The following GRIN1 variants were observed in gnomAD, a reference collection of about 807,000 sequenced individuals.
GRIN1 encodes the protein glutamate receptor ionotropic, NMDA 1.
GRIN1 carries 38 observed loss-of-function variants against 103.0 expected under a neutral mutation model. The ratio of observed to expected loss-of-function variants is 0.37; its 90% CI spans 0.28 to 0.48. The LOEUF (loss-of-function observed/expected upper bound fraction) is 0.48. Ranked by LOEUF, GRIN1 falls within the 20% of genes least tolerant of loss-of-function variation. The pLI is 0.98. For missense variants in GRIN1, 577 were observed against 1,288.9 expected (o/e 0.45, Z 8.46); for synonymous variants, 544 against 532.7 (o/e 1.02, Z -0.29).
intron 11 of GRIN1, 31 bp downstream of exon 11, chr9:137,162,119 C>CGGGGGGGGGGGGGGGGGGGG (rs1588730743): frequency 8.5e-6 from 4 of 468,176 alleles, no homozygotes; most frequent in Non-Finnish European, 1.4e-5. Flanking sequence ...GGGGTGGCGG[C>CGGGGGGGGGGGGGGGGGGGG]GGGGGGAGTC....
intron 4 of GRIN1, among the ~76,000 whole-genome samples, chr9:137,150,974 AG>A (rs1832845101): frequency 2.4e-5 from 1 of 41,944 alleles, no homozygotes. Context: ...GGGAAAGCCC[AG>A]CCCAGAGAAA....
At chr9:137,153,213 A>G (rs895679056) in intron 4 of GRIN1, among the ~76,000 whole-genome samples, 3 of 151,772 alleles carry the variant, frequency 2.0e-5, no homozygotes, top group African/African-American at 7.3e-5. Context: ...CACAACACAT[A>G]CACATGTGCA....
At chr9:137,166,261 G>C (rs1833874144) in intron 19 of GRIN1, among the ~76,000 whole-genome samples, 1 of 152,198 alleles carries the variant, frequency 6.6e-6, no homozygotes, top group Non-Finnish European at 1.5e-5. Context: ...TCCTGCTCGG[G>C]GCAGCTTGTC....
rs1330085309 is a variant in GRIN1, at chr9:137,139,803, C to A, written c.258+59C>A. The A allele has an allele frequency of 3.8e-6, 5 of 1,317,128 alleles. No homozygotes were observed. Among genetic ancestry groups the A allele is most frequent in the Admixed American group, 3.4e-5 (2 of 59,542 alleles). 81.6% of individuals were successfully genotyped at this position (1,317,128 alleles called of 1,614,324 possible). A position where few individuals can be genotyped will look rare whatever the true frequency, so the allele number is the denominator to read the frequency against. On this transcript the variant is annotated intron_variant, in intron 1 of 19. Coordinates refer to ENST00000371561, the MANE Select transcript of GRIN1 (RefSeq NM_007327.4). The surrounding 1 kb of genome is among the most constrained non-coding windows in gnomAD (Gnocchi z 7.7). ...TCTCCTCCATCCTGCAACCCCACAC[C>A]CCCAGTTTCATTCCATCCTTTCCGT...
chr9:137,141,567 C>T (rs941748562), intron 1 of GRIN1, among the ~76,000 whole-genome samples: 5 of 152,170 alleles, frequency 3.3e-5, no homozygotes, highest in African/African-American at 4.8e-5. Flanking sequence ...CCCTGAAGTC[C>T]GGTACCACCC....
intron 16 of GRIN1, 77 bp from the exon 17 acceptor site, chr9:137,163,482 C>T: frequency 7.7e-7 from 1 of 1,291,678 alleles, no homozygotes; most frequent in South Asian, 1.2e-5. Context: ...GCAGGCCCCG[C>T]CCCGGCCCCG....
intron 2 of GRIN1, among the ~76,000 whole-genome samples, chr9:137,144,961 A>G (rs1377511320): frequency 5.6e-3 from 64 of 11,406 alleles, no homozygotes; most frequent in Admixed American, 0.028. Flanking sequence ...GTGTCCCCAG[A>G]GGGGTGGGGA....
chr9:137,162,832 C>T lies in GRIN1; in HGVS notation c.2014-14C>T. 1 of 1,611,580 alleles carries T rather than the reference C, an allele frequency of 6.2e-7. No homozygotes were observed. The highest frequency in any genetic ancestry group is 8.5e-7 in the Non-Finnish European group (1 of 1,179,496). ...GGGAGCCGCCGCCGCGATCCCTGCC[C>T]TCCGACCCTGCAGCTGAGGAACCCC... On this transcript the variant is annotated splice_polypyrimidine_tract_variant and intron_variant, in intron 14 of 19. Coordinates refer to ENST00000371561, the MANE Select transcript of GRIN1 (RefSeq NM_007327.4).
Position 137,158,296 on chromosome 9 carries a change from G to A in GRIN1, c.969-83G>A, listed in dbSNP as rs550646576. On this transcript the variant is annotated intron_variant, in intron 6 of 19. Transcript: ENST00000371561. ...GGAGAAGGAGCAGGGGGAAGGAGCA[G>A]GGAGAAGCAGCAGGGGGAAGGAGCA... 8 of 1,467,024 alleles carry A rather than the reference G, an allele frequency of 5.5e-6. No homozygotes were observed. The African/African-American group carries it at 6.9e-5, about 13-fold the overall frequency. 90.9% of individuals were successfully genotyped at this position (1,467,024 alleles called of 1,614,324 possible). A position where few individuals can be genotyped will look rare whatever the true frequency, so the allele number is the denominator to read the frequency against.
At chr9:137,161,818 G>C in intron 10 of GRIN1, 106 bp from the exon 11 acceptor site, 1 of 1,169,786 alleles carries the variant, frequency 8.5e-7, no homozygotes, top group Non-Finnish European at 1.2e-6. Context: ...GTAGGGTCTT[G>C]GGGAGAAGAC....
intron 3 of GRIN1, chr9:137,148,098 G>A (rs979128351): frequency 5.0e-6 from 6 of 1,208,424 alleles, no homozygotes; most frequent in African/African-American, 3.0e-5. Flanking sequence ...ATTTTCAACC[G>A]TTTATAATCT....
intron 2 of GRIN1, among the ~76,000 whole-genome samples, chr9:137,142,461 A>G (rs1832230162): frequency 1.4e-5 from 2 of 138,152 alleles, no homozygotes. Context: ...TCACACACTC[A>G]CACATCACAC....
intron 3 of GRIN1, among the ~76,000 whole-genome samples, chr9:137,148,385 C>T (rs1217268281): frequency 6.6e-6 from 1 of 152,126 alleles, no homozygotes; most frequent in East Asian, 1.9e-4. Flanking sequence ...GGCGTGGCGG[C>T]GTGGGTGCCT....
At chr9:137,165,041 C>A (rs1241209257) in intron 18 of GRIN1, 145 bp from the exon 19 acceptor site, 3 of 734,084 alleles carry the variant, frequency 4.1e-6, no homozygotes, top group Non-Finnish European at 7.5e-6. Flanking sequence ...CGTCCGCTGT[C>A]GGCCCGTCTG....
chr9:137,154,566 G>A (rs145135284), intron 4 of GRIN1, among the ~76,000 whole-genome samples: 108 of 144,446 alleles, frequency 7.5e-4, no homozygotes, highest in African/African-American at 2.6e-3. Flanking sequence ...CGATTCTCCT[G>A]CCACGGCCTC....
At chr9:137,147,493 C>T (rs761600990) in intron 3 of GRIN1, among the ~76,000 whole-genome samples, 2 of 151,994 alleles carry the variant, frequency 1.3e-5, no homozygotes, top group African/African-American at 2.4e-5. Flanking sequence ...CACGCACACA[C>T]GCACATGCAC....
Position 137,161,085 on chromosome 9 carries a change from G to T in GRIN1, c.1227G>T (p.Val409=). The change falls in exon 9 of 20, where the codon GTG becomes GTT. Residue 409 remains valine, a synonymous_variant. Transcript: ENST00000371561. ...KIVTIHQEPF[V]YVKPTLSDGT... ...TGACGATCCACCAGGAGCCCTTCGT[G>T]TACGTCAAGCCCACGCTGAGTGATG... 6.2e-7 allele frequency: 1 copy of T among 1,612,992 alleles called. No individual in the cohort carries two copies. The highest frequency in any genetic ancestry group is 8.5e-7 in the Non-Finnish European group (1 of 1,179,934).
At chr9:137,164,224 G>A (rs1322671685) in intron 18 of GRIN1, 1 of 438,340 alleles carries the variant, frequency 2.3e-6, no homozygotes, top group African/African-American at 2.0e-5. Flanking sequence ...GGGTAAGACA[G>A]GGGCCCGCCT....
At position 137,146,857 on chromosome 9, in the gene GRIN1, G is replaced by A. The variant is rs1832563129; in HGVS notation, c.570+955G>A. Among the ~76,000 whole-genome samples, 1 of 152,132 alleles carries A rather than the reference G, an allele frequency of 6.6e-6. No homozygotes were observed. The highest frequency in any genetic ancestry group is 6.5e-5 in the Admixed American group (1 of 15,288). On this transcript the variant is annotated intron_variant, in intron 3 of 19. Coordinates refer to ENST00000371561, the MANE Select transcript of GRIN1 (RefSeq NM_007327.4). This position sits in a 1 kb window ranked among gnomAD's most constrained non-coding sequence, Gnocchi z 6.7. ...CCCCCCAAGGCACCCCAGGCCCCGG[G>A]AGGGACCAGAGGGCATGGGTCGGGG...
Sources: allele counts gnomAD v4.1 joint callset (sites outside exome capture counted in the v4.1 genomes callset), GRCh38; gene constraint gnomAD v4.1.1; non-coding constraint Gnocchi (gnomAD v3.1); transcripts MANE v1.5; gene names NCBI Gene and HGNC (gene_info 2026-07-23, HGNC 2026-07-21).